Variants in RHOBTB1 observed in about 807,000 individuals in gnomAD.
RHOBTB1 encodes rho-related BTB domain-containing protein 1.
In RHOBTB1, 40 loss-of-function variants were observed where a neutral mutation model predicts 71.6. The ratio of observed to expected loss-of-function variants is 0.56; its 90% CI spans 0.43 to 0.73. The LOEUF (loss-of-function observed/expected upper bound fraction) is 0.73. Among genes scored for constraint, RHOBTB1 ranks in the 30% least tolerant of loss-of-function variants. The probability of loss-of-function intolerance (pLI) is 0.00; values close to 1 mark genes in which losing one functional copy is unlikely to be tolerated. For synonymous variants in RHOBTB1, 319 were observed against 334.9 expected, an observed-to-expected ratio of 0.95 and a Z score of 0.52; for missense variants, 797 against 894.0, an observed-to-expected ratio of 0.89 and a Z score of 1.38.
downstream of RHOBTB1, chr10:60,869,389 A>G (rs907302588): frequency 1.6e-4 from 24 of 152,556 alleles, no homozygotes; most frequent in African/African-American, 5.3e-4. Context: ...AAAAGCTGTT[A>G]AATCACACAC....
At chr10:60,994,050 A>G (rs1442749239) in intron 1 of RHOBTB1, among the ~76,000 whole-genome samples, 6 of 152,116 alleles carry the variant, frequency 3.9e-5, no homozygotes, top group Non-Finnish European at 8.8e-5. Context: ...TCCAATTCTG[A>G]AAGGTAAATG....
At chr10:60,946,009 C>A (rs113703862), upstream of RHOBTB1, among the ~76,000 whole-genome samples, 6 of 152,304 alleles carry the variant, frequency 3.9e-5, no homozygotes, top group African/African-American at 1.4e-4. Context: ...AAAACCCCGT[C>A]TCTATTAAAA....
At chr10:60,995,080 A>C (rs1047093035) in intron 1 of RHOBTB1, among the ~76,000 whole-genome samples, 6 of 151,976 alleles carry the variant, frequency 3.9e-5, no homozygotes, top group African/African-American at 1.4e-4. Flanking sequence ...GGTGTGACTA[A>C]AGATCATAAA....
At position 60,937,747 on chromosome 10, in the gene RHOBTB1, C is replaced by A. The variant is rs183938915; in HGVS notation, c.-11+4057G>T. On this transcript the variant is annotated intron_variant, in intron 2 of 10. Coordinates refer to ENST00000337910, the MANE Select transcript of RHOBTB1 (RefSeq NM_014836.5). ...CTGTTGTGTTCAAGAAAAAAAGGTT[C>A]CTATAACCATTCCTTAAAATATCAG... 4.4e-3 allele frequency among the ~76,000 whole-genome samples: 668 copies of A among 152,288 alleles called. 2 individuals are homozygous for A. Among genetic ancestry groups the A allele is most frequent in the Non-Finnish European group, 7.4e-3 (501 of 68,016 alleles).
chr10:60,895,580 T>G (rs1184651731), intron 4 of RHOBTB1, among the ~76,000 whole-genome samples: 1 of 152,184 alleles, frequency 6.6e-6, no homozygotes, highest in Non-Finnish European at 1.5e-5. Flanking sequence ...AATTTTGTAT[T>G]TTTAGTAGAG....
At chr10:60,923,063 C>T (rs2083660990) in intron 2 of RHOBTB1, among the ~76,000 whole-genome samples, 1 of 152,176 alleles carries the variant, frequency 6.6e-6, no homozygotes, top group African/African-American at 2.4e-5. Context: ...TATCATAGAG[C>T]CCTACCTTGA....
Position 60,877,969 on chromosome 10 carries a change from G to C in RHOBTB1, c.1665C>G (p.Asp555Glu). 1 of 1,613,990 alleles carries C rather than the reference G, an allele frequency of 6.2e-7. No individual in the cohort carries two copies. Among genetic ancestry groups the C allele is most frequent in the Non-Finnish European group, 8.5e-7 (1 of 1,179,920 alleles). ...TTGCCAAGGCAATTAATTCCAGCGG[G>C]TCCAGATCCAAGTTAGGAGACAACT... ...TKQLSPNLDL[D>E]PLELIALANR... Residue 555 changes from aspartate (D) to glutamate (E), a missense_variant, in exon 8 of 11, where the codon GAC becomes GAG. This residue lies in a region of RHOBTB1 where 658 missense variants were observed against 681.5 expected (regional missense o/e 0.97). Transcript: ENST00000337910.
At chr10:60,919,267 C>CA in intron 2 of RHOBTB1, among the ~76,000 whole-genome samples, 1 of 152,138 alleles carries the variant, frequency 6.6e-6, no homozygotes, top group Non-Finnish European at 1.5e-5. Context: ...ACTAGTGCAA[C>CA]AAATTTTAGT....
At chr10:60,900,317 AG>A (rs1458022839) in intron 4 of RHOBTB1, among the ~76,000 whole-genome samples, 1 of 152,138 alleles carries the variant, frequency 6.6e-6, no homozygotes, top group Non-Finnish European at 1.5e-5. Flanking sequence ...TGAGCCTGGG[AG>A]GGGTCCCCTA....
the RHOBTB1 span, among the ~76,000 whole-genome samples, chr10:60,862,361 C>G: frequency 6.6e-6 from 1 of 151,946 alleles, no homozygotes. Context: ...CTATGCCTGG[C>G]AAATTTTTGT....
chr10:60,888,310 A>G lies in RHOBTB1; in HGVS notation c.1358T>C (p.Met453Thr), dbSNP rs772524250. 5.3e-5 allele frequency: 85 copies of G among 1,613,990 alleles called. No homozygotes were observed. Among genetic ancestry groups the G allele is most frequent in the Non-Finnish European group, 7.0e-5 (83 of 1,180,004 alleles). The change falls in exon 6 of 11, where the codon ATG becomes ACG. Residue 453 changes from methionine to threonine, a missense_variant. Coordinates refer to ENST00000337910, the MANE Select transcript of RHOBTB1 (RefSeq NM_014836.5). Reference sequence around the variant, plus strand: ...CTGGTTCATGAAGGCTTCCTTGTTCATGATGTTTTCCACCATCATCCTCAA... The same window carrying G: ...CTGGTTCATGAAGGCTTCCTTGTTCGTGATGTTTTCCACCATCATCCTCAA... The part of the protein sequence containing the change: ...FDLRMMVENI[M>T]NKEAFMNQEI...
downstream of RHOBTB1, among the ~76,000 whole-genome samples, chr10:60,866,951 T>A (rs1221882575): frequency 2.0e-5 from 3 of 152,164 alleles, no homozygotes; most frequent in Non-Finnish European, 4.4e-5. Context: ...TCTCTTGGAT[T>A]TTTGGCCTTG....
In RHOBTB1 at chr10:60,924,417, G is replaced by T. The variant is rs534648773; in HGVS notation, c.-10-12865C>A. ...AAAACTGTAAAAAGAGACAAAGAAG[G>T]TCATTATATAATGACAAAGGGGTCA... On this transcript the variant is annotated intron_variant, in intron 2 of 10. Transcript: ENST00000337910. Among the ~76,000 whole-genome samples the T allele has an allele frequency of 4.4e-3, 666 of 152,124 alleles. 1 individual carries two copies. The highest frequency in any genetic ancestry group is 7.4e-3 in the Non-Finnish European group (500 of 67,986).
intron 2 of RHOBTB1, among the ~76,000 whole-genome samples, chr10:60,927,941 G>T (rs1349685924): frequency 7.2e-5 from 11 of 152,024 alleles, no homozygotes; most frequent in Middle Eastern, 3.2e-3. Context: ...TCTGACAAGG[G>T]ATTAATAACC....
At chr10:60,995,019 T>C (rs929988600) in intron 1 of RHOBTB1, among the ~76,000 whole-genome samples, 7 of 151,912 alleles carry the variant, frequency 4.6e-5, no homozygotes, top group African/African-American at 1.7e-4. Context: ...TTGTACTCCA[T>C]GGCTTGGAAA....
chr10:60,962,124 T>G (rs540216993), intron 2 of RHOBTB1, among the ~76,000 whole-genome samples: 2 of 152,258 alleles, frequency 1.3e-5, no homozygotes, highest in African/African-American at 4.8e-5. Flanking sequence ...TAATGGCTTT[T>G]TTTTTGTACC....
chr10:60,984,730 T>C (rs181907175), intron 2 of RHOBTB1, among the ~76,000 whole-genome samples: 1 of 152,334 alleles, frequency 6.6e-6, no homozygotes, highest in African/African-American at 2.4e-5. Flanking sequence ...AATCTTTCGA[T>C]AATTTGTTCA....
At chr10:60,993,204 T>A (rs1459546120) in intron 1 of RHOBTB1, among the ~76,000 whole-genome samples, 1 of 152,102 alleles carries the variant, frequency 6.6e-6, no homozygotes, top group Non-Finnish European at 1.5e-5. Flanking sequence ...TTCTTACTGG[T>A]GTAATGAGGC....
intron 4 of RHOBTB1, among the ~76,000 whole-genome samples, chr10:60,893,228 G>A (rs1307081955): frequency 1.3e-5 from 2 of 152,232 alleles, no homozygotes; most frequent in African/African-American, 4.8e-5. Context: ...GCAGAATGCT[G>A]ATGCATTGAC....
Sources: allele counts gnomAD v4.1 joint callset (sites outside exome capture counted in the v4.1 genomes callset), GRCh38; gene constraint gnomAD v4.1.1; regional missense constraint gnomAD v4.1.1; transcripts MANE v1.5; gene names NCBI Gene and HGNC (gene_info 2026-07-23, HGNC 2026-07-21).